Variants in SLC35F4 observed in about 807,000 individuals in gnomAD.
The protein encoded by SLC35F4 is solute carrier family 35 member F4.
A neutral mutation model predicts 44.2 loss-of-function variants in SLC35F4; 24 were observed. That is an observed-to-expected ratio of 0.54 (90% confidence interval 0.39 to 0.76). The LOEUF is 0.76. Among genes scored for constraint, SLC35F4 ranks in the 30% least tolerant of loss-of-function variants. The pLI, the probability that SLC35F4 is intolerant of heterozygous loss-of-function variation, is 0.00. For missense variants in SLC35F4, 562 were observed against 586.1 expected, an observed-to-expected ratio of 0.96 and a Z score of 0.42; for synonymous variants, 238 against 223.6, an observed-to-expected ratio of 1.06 and a Z score of -0.57.
chr14:57,784,002 G>GA (rs1326474298), intron 1 of SLC35F4, among the ~76,000 whole-genome samples: 1 of 152,140 alleles, frequency 6.6e-6, no homozygotes, highest in African/African-American at 2.4e-5. Context: ...AATTCCTGCT[G>GA]AAAAAACTGT....
chr14:57,804,280 C>A (rs1220394142), intron 1 of SLC35F4, among the ~76,000 whole-genome samples: 1 of 152,078 alleles, frequency 6.6e-6, no homozygotes, highest in Non-Finnish European at 1.5e-5. Flanking sequence ...TTTAAAAATT[C>A]TTATGGAACC....
At chr14:57,644,013 A>G (rs2073372443) in intron 1 of SLC35F4, among the ~76,000 whole-genome samples, 1 of 152,124 alleles carries the variant, frequency 6.6e-6, no homozygotes, top group Non-Finnish European at 1.5e-5. Context: ...AATCCAGTCT[A>G]TCATTGTTGG....
At chr14:57,889,867 T>C (rs535379501) in intron 1 of SLC35F4, among the ~76,000 whole-genome samples, 171 of 152,326 alleles carry the variant, frequency 1.1e-3, no homozygotes, top group African/African-American at 3.8e-3. Context: ...TTCATTCATC[T>C]GACAAATGTT....
At chr14:57,898,989 A>G (rs1259736084) in intron 1 of SLC35F4, among the ~76,000 whole-genome samples, 1 of 152,136 alleles carries the variant, frequency 6.6e-6, no homozygotes, top group Non-Finnish European at 1.5e-5. Context: ...ACACCTCTCT[A>G]CTACTCCTAA....
intron 1 of SLC35F4, among the ~76,000 whole-genome samples, chr14:57,631,561 C>T (rs1406952050): frequency 2.0e-5 from 3 of 152,096 alleles, no homozygotes; most frequent in Non-Finnish European, 2.9e-5. Flanking sequence ...TTGCCTGCCT[C>T]GTTATGAGGG....
At chr14:57,930,959 A>T (rs181026310) in intron 1 of SLC35F4, among the ~76,000 whole-genome samples, 244 of 152,332 alleles carry the variant, frequency 1.6e-3, no homozygotes, top group Admixed American at 3.9e-3. Context: ...AAAAAATAGG[A>T]AAAAAACTGG....
intron 1 of SLC35F4, among the ~76,000 whole-genome samples, chr14:57,878,018 T>C (rs926810814): frequency 6.6e-6 from 1 of 152,098 alleles, no homozygotes; most frequent in Non-Finnish European, 1.5e-5. Context: ...TTCTGACTGA[T>C]GTGAGATGGT....
At chr14:57,949,896 C>A (rs1346957828) in intron 1 of SLC35F4, among the ~76,000 whole-genome samples, 1 of 152,172 alleles carries the variant, frequency 6.6e-6, no homozygotes, top group African/African-American at 2.4e-5. Context: ...GAGAAACCAG[C>A]TGTTAGTCTG....
At chr14:57,718,208 G>A (rs2075992969) in intron 1 of SLC35F4, among the ~76,000 whole-genome samples, 1 of 152,128 alleles carries the variant, frequency 6.6e-6, no homozygotes, top group African/African-American at 2.4e-5. Flanking sequence ...GTACTCTATT[G>A]TGTATAAATA....
Position 57,900,399 on chromosome 14 carries a change from G to A in SLC35F4, n.282+81514C>T, listed in dbSNP as rs1024663836. Among the ~76,000 whole-genome samples, 248 of 152,206 alleles carry A rather than the reference G, an allele frequency of 1.6e-3. 1 individual carries two copies. Among genetic ancestry groups the A allele is most frequent in the African/African-American group, 5.6e-3 (234 of 41,478 alleles). ...AGTGATACACCAATTTGTTTAGGTC[G>A]GGGTCATGTGCTCACCTCTGGCCCC... On this transcript the variant is annotated intron_variant and non_coding_transcript_variant, in intron 1 of 1. Coordinates refer to the SLC35F4 transcript ENST00000556568.
intron 1 of SLC35F4, among the ~76,000 whole-genome samples, chr14:57,786,577 G>A (rs1039268781): frequency 6.6e-6 from 1 of 152,146 alleles, no homozygotes; most frequent in African/African-American, 2.4e-5. Flanking sequence ...TCCATAGATG[G>A]TTCACATCAC....
rs568490009 is a variant in SLC35F4 at position 57,901,787 on chromosome 14, T to G, written n.282+80126A>C. ...ATGCTTCCACGTATGCTATATCATT[T>G]TATTCTCATTATACCCTTACCAAGT... is the stretch of plus-strand genomic sequence containing the variant. On this transcript the variant is annotated intron_variant and non_coding_transcript_variant, in intron 1 of 1. Coordinates refer to the SLC35F4 transcript ENST00000556568. 9.8e-5 allele frequency among the ~76,000 whole-genome samples: 15 copies of G among 152,350 alleles called. No individual in the cohort carries two copies. The South Asian group carries it at 3.1e-3, about 32-fold the overall frequency.
intron 1 of SLC35F4, among the ~76,000 whole-genome samples, chr14:57,675,629 A>G (rs1345567727): frequency 6.6e-6 from 1 of 152,052 alleles, no homozygotes. Flanking sequence ...TTCTCCATTC[A>G]GTATGATGTT....
chr14:57,924,693 C>T lies in SLC35F4; in HGVS notation n.282+57220G>A, dbSNP rs145157172. ...TGATCTCCTGACCTTGAGATCTGCC[C>T]GCCTCAGCCTCCCAAAGTGCTGGGA... On this transcript the variant is annotated intron_variant and non_coding_transcript_variant, in intron 1 of 1. Coordinates refer to the SLC35F4 transcript ENST00000556568. 3.4e-3 allele frequency among the ~76,000 whole-genome samples: 515 copies of T among 152,058 alleles called. 3 individuals carry two copies. The highest frequency in any genetic ancestry group is 0.01 in the African/African-American group (422 of 41,504).
At chr14:57,566,217 G>A (rs1179959022) in intron 7 of SLC35F4, among the ~76,000 whole-genome samples, 1 of 152,158 alleles carries the variant, frequency 6.6e-6, no homozygotes, top group Non-Finnish European at 1.5e-5. Flanking sequence ...TTGTCAGGGA[G>A]ATTATATGAA....
At position 57,830,170 on chromosome 14, in the gene SLC35F4, A is replaced by G. The variant is rs567494328; in HGVS notation, c.103+35553T>C. Among the ~76,000 whole-genome samples, 11 of 152,230 alleles carry G rather than the reference A, an allele frequency of 7.2e-5. No individual in the cohort carries two copies. In the South Asian group the frequency reaches 1.7e-3, roughly 23 times the overall value. On this transcript the variant is annotated intron_variant, in intron 1 of 7. Coordinates refer to ENST00000556826, the MANE Select transcript of SLC35F4 (RefSeq NM_001306087.2). ...AATACTACTCCAAAAGAAAGTGTTT[A>G]TGTAGCATTATTTCCTCTTCACATA... is the stretch of plus-strand genomic sequence containing the variant.
chr14:57,877,109 G>A (rs1259645676), intron 1 of SLC35F4, among the ~76,000 whole-genome samples: 1 of 151,958 alleles, frequency 6.6e-6, no homozygotes, highest in African/African-American at 2.4e-5. Flanking sequence ...TGTTACCCAG[G>A]TCATGAGCCT....
intron 1 of SLC35F4, among the ~76,000 whole-genome samples, chr14:57,934,053 GGTCAT>G (rs1889751214): frequency 6.6e-6 from 1 of 151,988 alleles, no homozygotes; most frequent in South Asian, 2.1e-4. Flanking sequence ...AGTGACAAAA[GGTCAT>G]GTCCTTTTTT....
At chr14:57,685,227 G>A (rs569852238) in intron 1 of SLC35F4, among the ~76,000 whole-genome samples, 3 of 152,046 alleles carry the variant, frequency 2.0e-5, no homozygotes, top group African/African-American at 7.2e-5. Context: ...CCCACTTCTG[G>A]TGGCATCAAT....
Sources: gnomAD v4.1 joint callset for allele counts (sites outside exome capture counted in the v4.1 genomes callset) on GRCh38, gnomAD v4.1.1 for gene constraint, MANE v1.5 for transcripts, NCBI Gene and HGNC (gene_info 2026-07-23, HGNC 2026-07-21) for gene names.